HAUS6: variants seen among roughly 807,000 people sequenced by gnomAD.
HAUS6 encodes the protein HAUS augmin like complex subunit 6.
In HAUS6, 80 loss-of-function variants were observed where a neutral mutation model predicts 106.8. The observed-to-expected ratio is 0.75, with a 90% CI of 0.63 to 0.90. The LOEUF (loss-of-function observed/expected upper bound fraction) is 0.90, where lower values mean the gene tolerates loss of function less well. Ranked by LOEUF, HAUS6 falls within the 40% of genes least tolerant of loss-of-function variation. HAUS6 has a pLI of 0.00. For synonymous variants in HAUS6, 356 were observed against 379.1 expected (o/e 0.94, Z 0.71); for missense variants, 1,155 against 1,118.1 (o/e 1.03, Z -0.47).
chr9:19,062,281 T>C lies in HAUS6; in HGVS notation c.1629+727A>G, dbSNP rs537908816. 4.6e-5 allele frequency among the ~76,000 whole-genome samples: 7 copies of C among 152,306 alleles called. No homozygotes were observed. The South Asian group carries it at 8.3e-4, about 18-fold the overall frequency. ...AAACCTATGCTCAGTGATAATGATA[T>C]GATATTGCAGTGTGTTCTAATATTC... On this transcript the variant is annotated intron_variant, in intron 14 of 16. Coordinates refer to ENST00000380502, the MANE Select transcript of HAUS6 (RefSeq NM_017645.5).
rs1321489887 is a variant in HAUS6, at chr9:19,054,020, G to C, written c.*2323C>G. On this transcript the variant is annotated 3_prime_UTR_variant, in exon 17 of 17. Coordinates refer to ENST00000380502, the MANE Select transcript of HAUS6 (RefSeq NM_017645.5). ...AAAAGATAAACCATAGGAGATTTCA[G>C]AGAAGGAGTAGGCACATGGATATAA... 1 of 152,182 alleles carries C rather than the reference G, an allele frequency of 6.6e-6. No individual in the cohort carries two copies. Among genetic ancestry groups the C allele is most frequent in the Non-Finnish European group, 1.5e-5 (1 of 68,026 alleles). The allele number at this position is 152,182 out of a possible 1,614,324, so 9.4% of individuals were successfully genotyped here.
Position 19,063,296 on chromosome 9 carries a change from T to A in HAUS6, c.1444-103A>T, listed in dbSNP as rs1018015293. 9 of 773,800 alleles carry A rather than the reference T, an allele frequency of 1.2e-5. No homozygotes were observed. The South Asian group carries it at 1.7e-4, about 15-fold the overall frequency. 47.9% of individuals were successfully genotyped at this position (773,800 alleles called of 1,614,324 possible). A position where few individuals can be genotyped will look rare whatever the true frequency, so the allele number is the denominator to read the frequency against. On this transcript the variant is annotated intron_variant, in intron 13 of 16. Transcript: ENST00000380502. The stretch of plus-strand genomic sequence containing the variant: ...TGGTTATCATGAACCTATAAAAGGT[T>A]GTTAATACTATTGTGAAATTGTATG...
intron 4 of HAUS6, among the ~76,000 whole-genome samples, chr9:19,092,390 C>T (rs1266085589): frequency 6.6e-6 from 1 of 151,516 alleles, no homozygotes; most frequent in Non-Finnish European, 1.5e-5. Flanking sequence ...CCGAGGCAGG[C>T]GGATCACCTG....
chr9:19,083,967 T>C (rs1837224192), intron 7 of HAUS6, among the ~76,000 whole-genome samples: 1 of 151,042 alleles, frequency 6.6e-6, no homozygotes, highest in South Asian at 2.1e-4. Context: ...ACAAGAATAT[T>C]TAGGCACGCA....
intron 12 of HAUS6, among the ~76,000 whole-genome samples, chr9:19,067,726 T>C (rs1362434828): frequency 6.6e-6 from 1 of 152,188 alleles, no homozygotes; most frequent in Non-Finnish European, 1.5e-5. Context: ...TTCACTCTTG[T>C]TGTCCAGGCT....
intron 8 of HAUS6, 35 bp downstream of exon 8, chr9:19,082,838 T>C: frequency 8.8e-7 from 1 of 1,139,576 alleles, no homozygotes; most frequent in South Asian, 2.0e-5. Flanking sequence ...ATGATAGGAG[T>C]TTTCTCAAAA....
chr9:19,086,968 TATC>T (rs1837311036), intron 6 of HAUS6, 120 bp downstream of exon 6: 2 of 646,308 alleles, frequency 3.1e-6, no homozygotes, highest in Non-Finnish European at 5.6e-6. Flanking sequence ...GCTCTAATCC[TATC>T]ATCATCTGGC....
intron 12 of HAUS6, among the ~76,000 whole-genome samples, chr9:19,069,436 C>T (rs932689144): frequency 6.6e-6 from 1 of 152,146 alleles, no homozygotes; most frequent in African/African-American, 2.4e-5. Flanking sequence ...CATCTGTAAT[C>T]ACAGCACTTT....
At chr9:19,084,761 T>C (rs1198711138) in intron 7 of HAUS6, among the ~76,000 whole-genome samples, 1 of 151,674 alleles carries the variant, frequency 6.6e-6, no homozygotes, top group Admixed American at 6.6e-5. Flanking sequence ...GTCACCCAAA[T>C]AGCTGGGACT....
In HAUS6 at chr9:19,069,104, C is replaced by T. The variant is rs186629473; in HGVS notation, c.1376+1115G>A. Among the ~76,000 whole-genome samples, 29 of 152,058 alleles carry T rather than the reference C, an allele frequency of 1.9e-4. No individual in the cohort carries two copies. In the East Asian group the frequency reaches 2.9e-3, roughly 15 times the overall value. ...AAGTGGGAAAAGGCTGGACCAGCCACGGGTTATGTTAGATACATCCACAGC... is the reference window on the plus strand; with the variant it reads ...AAGTGGGAAAAGGCTGGACCAGCCATGGGTTATGTTAGATACATCCACAGC... On this transcript the variant is annotated intron_variant, in intron 12 of 16. Transcript: ENST00000380502.
intron 4 of HAUS6, among the ~76,000 whole-genome samples, chr9:19,091,303 A>G (rs888056063): frequency 5.1e-5 from 3 of 58,588 alleles, no homozygotes; most frequent in Middle Eastern, 8.6e-3. Context: ...TCGTCTGCGA[A>G]AAAAAAAAAA....
At chr9:19,095,074 G>C (rs970549951) in intron 2 of HAUS6, among the ~76,000 whole-genome samples, 2 of 151,634 alleles carry the variant, frequency 1.3e-5, no homozygotes, top group African/African-American at 2.4e-5. Flanking sequence ...TCTTGCCAGA[G>C]AGAAACATAA....
intron 11 of HAUS6, among the ~76,000 whole-genome samples, chr9:19,071,482 A>C (rs1055944262): frequency 4.6e-5 from 7 of 152,186 alleles, no homozygotes; most frequent in African/African-American, 1.7e-4. Context: ...AGAATAAATA[A>C]GCACACACAA....
intron 1 of HAUS6, among the ~76,000 whole-genome samples, chr9:19,097,980 A>G (rs1309169069): frequency 1.3e-5 from 2 of 152,208 alleles, no homozygotes; most frequent in East Asian, 3.8e-4. Context: ...TTGTCCTTAG[A>G]ACATCTCTAC....
Position 19,058,258 on chromosome 9 carries a change from A to G in HAUS6, c.2509T>C (p.Tyr837His). The G allele has an allele frequency of 6.2e-7, 1 of 1,613,890 alleles. No homozygotes were observed. Among genetic ancestry groups the G allele is most frequent in the Non-Finnish European group, 8.5e-7 (1 of 1,179,832 alleles). ...DFNLQALRSR[Y>H]EALKKSLSKK... ...GAAAGAGATTTCTTCAGAGCCTCGT[A>G]TCTACTGCGAAGAGCCTGTAAATTA... The change falls in exon 16 of 17, where the codon TAC becomes CAC. Residue 837 changes from tyrosine to histidine, a missense_variant. By Grantham distance (83) the Tyr-to-His change is moderately conservative. Coordinates refer to ENST00000380502, the MANE Select transcript of HAUS6 (RefSeq NM_017645.5).
Position 19,080,575 on chromosome 9 carries a change from C to A in HAUS6, c.968G>T (p.Cys323Phe). ...EVLKVMKYERCQADQARLTVD... is the reference protein window; with the variant it reads ...EVLKVMKYERFQADQARLTVD... ...CGTCAATCTTGCTTGATCAGCCTGA[C>A]AACGTTCATATTTCATCACCTTCAA... is the stretch of plus-strand genomic sequence containing the variant. The change falls in exon 9 of 17, where the codon TGT (cysteine) becomes TTT (phenylalanine). Residue 323 changes from cysteine (C) to phenylalanine (F), a missense_variant. Around this residue, in one of 3 missense-constraint regions of HAUS6, gnomAD observed 761 missense variants for 690.0 expected, o/e 1.10. Coordinates refer to ENST00000380502, the MANE Select transcript of HAUS6 (RefSeq NM_017645.5). 6.2e-7 allele frequency: 1 copy of A among 1,600,002 alleles called. No individual in the cohort carries two copies. The highest frequency in any genetic ancestry group is 8.6e-7 in the Non-Finnish European group (1 of 1,168,196).
intron 16 of HAUS6, 102 bp from the exon 17 acceptor site, chr9:19,056,506 A>T (rs1354852974): frequency 8.8e-6 from 6 of 682,972 alleles, no homozygotes; most frequent in Non-Finnish European, 1.3e-5. Flanking sequence ...AAAGGTTCAT[A>T]GCTTTGCAAA....
rs1837046619 is a variant in HAUS6 at position 19,077,939 on chromosome 9, T to C, written c.1191+237A>G. 2.0e-5 allele frequency among the ~76,000 whole-genome samples: 3 copies of C among 152,134 alleles called. No homozygotes were observed. The East Asian group carries it at 5.8e-4, about 29-fold the overall frequency. On this transcript the variant is annotated intron_variant, in intron 10 of 16. Coordinates refer to ENST00000380502, the MANE Select transcript of HAUS6 (RefSeq NM_017645.5). ...AGCCAGGCTTGGTGGTGCAAACCTG[T>C]AGTCCCAGCTACTCAGAAGGCTGAG...
At chr9:19,059,096 T>TTG in intron 15 of HAUS6, 95 bp from the exon 16 acceptor site, 1 of 693,114 alleles carries the variant, frequency 1.4e-6, no homozygotes, top group Non-Finnish European at 2.5e-6. Flanking sequence ...ATAAAGCTCC[T>TTG]GACTCAGTAC....
Sources: allele counts gnomAD v4.1 joint callset (sites outside exome capture counted in the v4.1 genomes callset), GRCh38; gene constraint gnomAD v4.1.1; regional missense constraint gnomAD v4.1.1; transcripts MANE v1.5; gene names NCBI Gene and HGNC (gene_info 2026-07-23, HGNC 2026-07-21).